PEDS1: variants seen among roughly 807,000 people sequenced by gnomAD.
The protein encoded by PEDS1 is CarF homolog.
In PEDS1, 14 loss-of-function variants were observed where a neutral mutation model predicts 35.2. The observed-to-expected ratio is 0.40, with a 90% CI of 0.26 to 0.62. The LOEUF is 0.62. PEDS1 is among the 20% of genes least tolerant of loss of function. The pLI, the probability that PEDS1 is intolerant of heterozygous loss-of-function variation, is 0.44. For synonymous variants in PEDS1, 152 were observed against 152.0 expected (o/e 1.00, Z 0.00); for missense variants, 260 against 367.8 (o/e 0.71, Z 2.40).
intron 2 of PEDS1, among the ~76,000 whole-genome samples, chr20:50,131,376 C>T (rs1243892767): frequency 6.6e-6 from 1 of 152,188 alleles, no homozygotes; most frequent in East Asian, 1.9e-4. Context: ...AATCCCAGCA[C>T]TTTGGGAGGC....
chr20:50,136,741 A>AT (rs1211422872), intron 2 of PEDS1, among the ~76,000 whole-genome samples: 2 of 145,282 alleles, frequency 1.4e-5, no homozygotes, highest in African/African-American at 5.1e-5. Context: ...AAAAAAAAAA[A>AT]AAGAGGGGAG....
intron 2 of PEDS1, among the ~76,000 whole-genome samples, chr20:50,131,296 C>T (rs558496288): frequency 7.0e-4 from 107 of 152,294 alleles, no homozygotes; most frequent in African/African-American, 2.3e-3. Context: ...CCTGGAACTG[C>T]AGCAATGTCC....
chr20:50,135,367 A>G (rs940638949), intron 2 of PEDS1, among the ~76,000 whole-genome samples: 2 of 146,860 alleles, frequency 1.4e-5, no homozygotes, highest in Admixed American at 6.8e-5. Context: ...CCTGATAGAA[A>G]GCATTTCCAG....
chr20:50,153,699 C>G lies in PEDS1; in HGVS notation c.-62G>C, dbSNP rs928939577. On this transcript the variant is annotated 5_prime_UTR_variant, in exon 1 of 6. Transcript: ENST00000371652. ...CGGCGGCGGCGGCAGGGCCGCGGAA[C>G]CGCGGCGAGATCACGCCGCCCAATG... The G allele has an allele frequency of 2.2e-4, 262 of 1,177,178 alleles. 1 individual carries two copies. Among genetic ancestry groups the G allele is most frequent in the East Asian group, 8.1e-4 (22 of 27,050 alleles). The allele number at this position is 1,177,178 out of a possible 1,614,324, so 72.9% of individuals were successfully genotyped here.
intron 5 of PEDS1, 146 bp downstream of exon 5, chr20:50,127,829 G>C (rs2081126472): frequency 8.7e-7 from 1 of 1,144,968 alleles, no homozygotes; most frequent in South Asian, 1.5e-5. Context: ...CACACAGTAG[G>C]TGCTCAATAA....
At chr20:50,130,278 T>C (rs1444017081) in intron 3 of PEDS1, among the ~76,000 whole-genome samples, 3 of 152,260 alleles carry the variant, frequency 2.0e-5, no homozygotes, top group East Asian at 1.9e-4. Context: ...GCTGTTCTCC[T>C]GGAAGGAGAA....
Position 50,128,258 on chromosome 20 carries a change from C to A in PEDS1, c.479-71G>T. The A allele has an allele frequency of 6.4e-7, 1 of 1,573,762 alleles. No individual in the cohort carries two copies. Among genetic ancestry groups the A allele is most frequent in the Non-Finnish European group, 8.6e-7 (1 of 1,157,356 alleles). ...CGGGGAACCCACCCCAAATGGCCCT[C>A]ACCACCTGCTCCTGGGCGGCTCCTG... On this transcript the variant is annotated intron_variant, in intron 4 of 5. Coordinates refer to ENST00000371652, the MANE Select transcript of PEDS1 (RefSeq NM_199129.4). This position sits in a 1 kb window ranked among gnomAD's most constrained non-coding sequence, Gnocchi z 5.2.
chr20:50,130,416 TC>T (rs1490434278), intron 3 of PEDS1, among the ~76,000 whole-genome samples: 17 of 152,314 alleles, frequency 1.1e-4, no homozygotes, highest in Admixed American at 3.3e-4. Flanking sequence ...ATGTGGTCTG[TC>T]GGTCCTACTG....
intron 1 of PEDS1, among the ~76,000 whole-genome samples, chr20:50,149,895 C>T (rs6095793): frequency 0.1 from 15,202 of 152,198 alleles, 2,436 homozygotes; most frequent in African/African-American, 0.34. Flanking sequence ...CTGCCCGGTG[C>T]CCCGCCGTAT....
In PEDS1 at chr20:50,122,399, C is replaced by T. The variant is rs543995594; in HGVS notation, c.*2659G>A. 6.6e-6 allele frequency: 1 copy of T among 152,274 alleles called. No individual in the cohort carries two copies. The highest frequency in any genetic ancestry group is 1.9e-4 in the East Asian group (1 of 5,178). The allele number at this position is 152,274 out of a possible 1,614,324, so 9.4% of individuals were successfully genotyped here. On this transcript the variant is annotated 3_prime_UTR_variant, in exon 6 of 6. Coordinates refer to ENST00000371652, the MANE Select transcript of PEDS1 (RefSeq NM_199129.4). ...CAAAGGAAAATGGCATTATGGGTCA[C>T]GTTTTAAAAAATAAATGTCATGGCT...
chr20:50,126,506 A>C (rs1179403021), intron 5 of PEDS1, among the ~76,000 whole-genome samples: 1 of 152,212 alleles, frequency 6.6e-6, no homozygotes, highest in Non-Finnish European at 1.5e-5. Flanking sequence ...AAAAAATAGT[A>C]GCTGTAATTT....
intron 1 of PEDS1, among the ~76,000 whole-genome samples, chr20:50,144,719 C>A (rs1319817634): frequency 1.3e-5 from 2 of 152,250 alleles, no homozygotes; most frequent in Middle Eastern, 3.4e-3. Flanking sequence ...AGGAAAACAC[C>A]TGGGCAGTTG....
chr20:50,130,603 C>T (rs1035926933), intron 3 of PEDS1, among the ~76,000 whole-genome samples: 1 of 152,176 alleles, frequency 6.6e-6, no homozygotes, highest in African/African-American at 2.4e-5. Context: ...AAAAGCAAGA[C>T]ACCCCCAAAT....
intron 2 of PEDS1, among the ~76,000 whole-genome samples, chr20:50,141,659 T>C (rs1194956767): frequency 6.6e-6 from 1 of 152,218 alleles, no homozygotes; most frequent in East Asian, 1.9e-4. Context: ...CAGATGAGGC[T>C]GCAAAGCTCA....
intron 2 of PEDS1, among the ~76,000 whole-genome samples, chr20:50,135,303 C>T (rs967257498): frequency 3.9e-5 from 6 of 152,074 alleles, no homozygotes; most frequent in Non-Finnish European, 7.3e-5. Flanking sequence ...CAACAGCATT[C>T]CCAGAATACC....
chr20:50,153,372 T>G, intron 1 of PEDS1, 145 bp downstream of exon 1: 1 of 1,199,182 alleles, frequency 8.3e-7, no homozygotes, highest in South Asian at 3.7e-5. Flanking sequence ...GACACTGGGG[T>G]GGGGTCCCCG....
intron 2 of PEDS1, among the ~76,000 whole-genome samples, chr20:50,136,460 C>T (rs1458329064): frequency 6.6e-6 from 1 of 151,606 alleles, no homozygotes; most frequent in African/African-American, 2.4e-5. Context: ...GCAGGGCTCA[C>T]ACCTGGAATC....
At chr20:50,151,462 T>C (rs2081402198) in intron 1 of PEDS1, 1 of 471,692 alleles carries the variant, frequency 2.1e-6, no homozygotes, top group East Asian at 7.0e-5. Context: ...AGCTGGACAC[T>C]AAAGAGGGAG....
intron 2 of PEDS1, among the ~76,000 whole-genome samples, chr20:50,132,787 G>A (rs2081193231): frequency 6.6e-6 from 1 of 152,182 alleles, no homozygotes; most frequent in Admixed American, 6.5e-5. Flanking sequence ...CACATAGTAA[G>A]CCCTCAGGCC....
Sources: gnomAD v4.1 joint callset for allele counts (sites outside exome capture counted in the v4.1 genomes callset) on GRCh38, gnomAD v4.1.1 for gene constraint, Gnocchi (gnomAD v3.1) non-coding constraint, MANE v1.5 for transcripts, NCBI Gene and HGNC (gene_info 2026-07-23, HGNC 2026-07-21) for gene names.